SURF2: variants seen among roughly 807,000 people sequenced by gnomAD.
SURF2 encodes surfeit 2, also known as surfeit locus protein 2.
Under a neutral mutation model 26.2 loss-of-function variants are expected in SURF2, and 32 were observed. That is an observed-to-expected ratio of 1.22 (90% CI 0.92 to 1.64). The LOEUF (loss-of-function observed/expected upper bound fraction) is 1.64, where lower values mean the gene tolerates loss of function less well. Ranked by LOEUF, SURF2 falls within the 40% of genes most tolerant of loss-of-function variation. The probability of loss-of-function intolerance (pLI) is 0.00; values close to 1 mark genes in which losing one functional copy is unlikely to be tolerated. For synonymous variants in SURF2, 173 were observed against 139.1 expected (o/e 1.24, Z -1.71); for missense variants, 415 against 341.6 (o/e 1.21, Z -1.69).
At chr9:133,358,487 T>C (rs1368100241) in intron 3 of SURF2, among the ~76,000 whole-genome samples, 1 of 152,074 alleles carries the variant, frequency 6.6e-6, no homozygotes, top group Non-Finnish European at 1.5e-5. Context: ...TAGGGAAGTA[T>C]CGGGCTTTTG....
Position 133,360,232 on chromosome 9 carries a change from A to C in SURF2, c.518-33A>C, listed in dbSNP as rs2130049044. ...AAGGTGGCAGCGAACTCAGCCTAAA[A>C]TAACTGTCAGCCAATCCCTGTGTTC... On this transcript the variant is annotated intron_variant, in intron 4 of 5. Transcript: ENST00000371964. 3 of 1,607,994 alleles carry C rather than the reference A, an allele frequency of 1.9e-6. No homozygotes were observed. In the East Asian group the frequency reaches 6.7e-5, roughly 36 times the overall value.
chr9:133,358,090 C>T (rs2130038336), intron 3 of SURF2, among the ~76,000 whole-genome samples: 9 of 151,854 alleles, frequency 5.9e-5, no homozygotes, highest in South Asian at 4.2e-4. Context: ...GGTGGGCTTG[C>T]GGAGACAGGA....
intron 1 of SURF2, 87 bp downstream of exon 1, chr9:133,356,757 C>T (rs1272632349): frequency 1.5e-6 from 2 of 1,340,146 alleles, no homozygotes; most frequent in Non-Finnish European, 2.0e-6. Context: ...GAGGAGAGGG[C>T]AGGGGAGAGG....
intron 2 of SURF2, 40 bp downstream of exon 2, chr9:133,357,108 T>G: frequency 1.3e-6 from 2 of 1,506,118 alleles, no homozygotes; most frequent in Non-Finnish European, 8.9e-7. Context: ...CCAGGGCAAT[T>G]AGGACAGCCC....
chr9:133,360,147 T>A lies in SURF2; in HGVS notation c.517+18T>A. The A allele has an allele frequency of 1.3e-6, 2 of 1,592,454 alleles. No individual in the cohort carries two copies. Among genetic ancestry groups the A allele is most frequent in the Non-Finnish European group, 1.7e-6 (2 of 1,167,146 alleles). On this transcript the variant is annotated intron_variant, in intron 4 of 5. Transcript: ENST00000371964. ...GTACCCACGTAAGCAGAACAGGCCC[T>A]GCTTCTCCCTGACCCTCTACTGTCA...
At position 133,359,999 on chromosome 9, in the gene SURF2, G is replaced by T; in HGVS notation, c.387G>T (p.Val129=). 1.2e-6 allele frequency: 2 copies of T among 1,614,022 alleles called. No individual in the cohort carries two copies. Among genetic ancestry groups the T allele is most frequent in the Non-Finnish European group, 1.7e-6 (2 of 1,179,910 alleles). ...QGVEYVPACL[V]HRRRRREDQM... is the part of the protein sequence containing the mutation. ...TGGAGTACGTGCCTGCCTGCCTGGTGCACCGGAGGAGGAGGAGGGAGGACC... is the reference window on the plus strand; with the variant it reads ...TGGAGTACGTGCCTGCCTGCCTGGTTCACCGGAGGAGGAGGAGGGAGGACC... Residue 129 remains valine (V), a synonymous_variant, in exon 4 of 6, where the codon GTG becomes GTT. Transcript: ENST00000371964.
rs2130031575 is a variant in SURF2, at chr9:133,356,962, C to G, written c.127C>G (p.Leu43Val). 7.6e-6 allele frequency: 12 copies of G among 1,569,648 alleles called. No individual in the cohort carries two copies. Among genetic ancestry groups the G allele is most frequent in the Non-Finnish European group, 1.0e-5 (12 of 1,157,908 alleles). Residue 43 changes from leucine to valine, a missense_variant, in exon 2 of 6, where the codon CTC becomes GTC. Coordinates refer to ENST00000371964, the MANE Select transcript of SURF2 (RefSeq NM_017503.5). ...CGAGCTGCCCTGCCGCCTGCCGGAG[C>G]TCCAGGTCTACACCCGCGGCAAAAA... The part of the protein sequence containing the change: ...GHELPCRLPE[L>V]QVYTRGKKYQ...
In SURF2 at chr9:133,356,951, G is replaced by A. The variant is rs2130031455; in HGVS notation, c.116G>A (p.Arg39His). Residue 39 changes from arginine (R) to histidine (H), a missense_variant, in exon 2 of 6, where the codon CGC (arginine) becomes CAC (histidine). By Grantham distance (29) the Arg-to-His change is conservative (BLOSUM62 0). Transcript: ENST00000371964. ...CILTGHELPC[R>H]LPELQVYTRG... ...CTGACAGGTCACGAGCTGCCCTGCCGCCTGCCGGAGCTCCAGGTCTACACC... is the reference window on the plus strand; with the variant it reads ...CTGACAGGTCACGAGCTGCCCTGCCACCTGCCGGAGCTCCAGGTCTACACC... 6.4e-7 allele frequency: 1 copy of A among 1,566,962 alleles called. No individual in the cohort carries two copies. Among genetic ancestry groups the A allele is most frequent in the East Asian group, 2.4e-5 (1 of 42,208 alleles).
chr9:133,356,771 GAGGGGAGAGCAGGAGAGAGGGGAGGGC>G (rs2130030224), intron 1 of SURF2, 101 bp downstream of exon 1: 21 of 1,392,484 alleles, frequency 1.5e-5, no homozygotes, highest in African/African-American at 1.5e-4. Flanking sequence ...GGAGAGGGGA[GAGGGGAGAGCAGGAGAGAGGGGAGGGC>G]AGGGGAGAGG....
Position 133,356,606 on chromosome 9 carries a change from C to G in SURF2, c.14C>G (p.Pro5Arg). The G allele has an allele frequency of 6.6e-7, 1 of 1,524,892 alleles. No homozygotes were observed. Among genetic ancestry groups the G allele is most frequent in the Non-Finnish European group, 8.7e-7 (1 of 1,143,172 alleles). 94.5% of individuals were successfully genotyped at this position (1,524,892 alleles called of 1,614,324 possible). ...GGCGCGTCGGCCATGAGCGAGTTGC[C>G]GGGCGACGTGCGGGCGTTTCTGCGG... is the stretch of plus-strand genomic sequence containing the variant. MSEL[P>R]GDVRAFLREH... Residue 5 changes from proline to arginine, a missense_variant, in exon 1 of 6, where the codon CCG becomes CGG. Physicochemically the swap from Pro to Arg is moderately radical, Grantham distance 103. Coordinates refer to ENST00000371964, the MANE Select transcript of SURF2 (RefSeq NM_017503.5).
At chr9:133,357,932 C>A in intron 3 of SURF2, 118 bp downstream of exon 3, 1 of 976,920 alleles carries the variant, frequency 1.0e-6, no homozygotes, top group Non-Finnish European at 1.5e-6. Flanking sequence ...ATGCATCAGG[C>A]CTGTTTTTTG....
rs2130046402 is a variant in SURF2 at position 133,360,023 on chromosome 9, C to T, written c.411C>T (p.Asp137=). The T allele has an allele frequency of 6.2e-7, 1 of 1,614,026 alleles. No individual in the cohort carries two copies. The highest frequency in any genetic ancestry group is 1.7e-5 in the Admixed American group (1 of 60,000). Residue 137 remains aspartate (D), a synonymous_variant, in exon 4 of 6, where the codon GAC becomes GAT. Coordinates refer to ENST00000371964, the MANE Select transcript of SURF2 (RefSeq NM_017503.5). ...CLVHRRRRRE[D]QMDGDGPRPR... ...TGCACCGGAGGAGGAGGAGGGAGGA[C>T]CAGATGGACGGTGACGGGCCTCGCC... is the stretch of plus-strand genomic sequence containing the variant.
chr9:133,360,515 AACCTTTTTCACAAGTG>A, intron 5 of SURF2, 81 bp downstream of exon 5: 1 of 1,415,900 alleles, frequency 7.1e-7, no homozygotes, highest in South Asian at 1.5e-5. Flanking sequence ...AAGAAAACTG[AACCTTTTTCACAAGTG>A]AAATCCCAAG....
At chr9:133,359,222 C>T (rs781271222) in intron 3 of SURF2, among the ~76,000 whole-genome samples, 1 of 152,308 alleles carries the variant, frequency 6.6e-6, no homozygotes, top group Non-Finnish European at 1.5e-5. Flanking sequence ...GCTCTGCCTT[C>T]ACGTTCTGGT....
In SURF2 at chr9:133,359,998, T is replaced by C. The variant is rs2130045971; in HGVS notation, c.386T>C (p.Val129Ala). 71 of 1,613,684 alleles carry C rather than the reference T, an allele frequency of 4.4e-5. No homozygotes were observed. Among genetic ancestry groups the C allele is most frequent in the Middle Eastern group, 3.3e-4 (2 of 6,080 alleles). Residue 129 changes from valine to alanine, a missense_variant, in exon 4 of 6, where the codon GTG (valine) becomes GCG (alanine). Transcript: ENST00000371964. ...GTGGAGTACGTGCCTGCCTGCCTGG[T>C]GCACCGGAGGAGGAGGAGGGAGGAC... is the stretch of plus-strand genomic sequence containing the variant. Reference protein sequence around the residue: ...QGVEYVPACLVHRRRRREDQM... With the variant: ...QGVEYVPACLAHRRRRREDQM...
rs2130050712 is a variant in SURF2 at position 133,360,369 on chromosome 9, A to G, written c.622A>G (p.Lys208Glu). The change falls in exon 5 of 6, where the codon AAG becomes GAG. Residue 208 changes from lysine to glutamate, a missense_variant. Coordinates refer to ENST00000371964, the MANE Select transcript of SURF2 (RefSeq NM_017503.5). ...TGAGAAGGCAAAGCCCCCAAGAGAG[A>G]AGGCCACTGATGAGGGCAGGAGAGA... The part of the protein sequence containing the change: ...EDEKAKPPRE[K>E]ATDEGRRETT... 32 of 1,613,946 alleles carry G rather than the reference A, an allele frequency of 2.0e-5. No homozygotes were observed. The highest frequency in any genetic ancestry group is 1.8e-4 in the East Asian group (8 of 44,868).
intron 4 of SURF2, 36 bp downstream of exon 4, chr9:133,360,165 T>C (rs2130048416): frequency 5.0e-6 from 8 of 1,591,024 alleles, no homozygotes; most frequent in African/African-American, 1.3e-5. Flanking sequence ...CCTGACCCTC[T>C]ACTGTCAGCA....
intron 3 of SURF2, among the ~76,000 whole-genome samples, chr9:133,358,066 G>T (rs1320407548): frequency 6.6e-6 from 1 of 152,182 alleles, no homozygotes; most frequent in Non-Finnish European, 1.5e-5. Flanking sequence ...AAAGAAACTG[G>T]GCGAGGGATG....
chr9:133,357,776 A>G lies in SURF2; in HGVS notation c.299A>G (p.His100Arg). 6.2e-7 allele frequency: 1 copy of G among 1,613,756 alleles called. No individual in the cohort carries two copies. The highest frequency in any genetic ancestry group is 8.5e-7 in the Non-Finnish European group (1 of 1,180,030). The stretch of plus-strand genomic sequence containing the variant: ...AAGTGCCCAGAACACGTGCTGAGGC[A>G]CACCCAGGGCCGGCGGTACCAGCGA... ...INKCPEHVLRHTQGRRYQRAL... is the reference protein window; with the variant it reads ...INKCPEHVLRRTQGRRYQRAL... Residue 100 changes from histidine (H) to arginine (R), a missense_variant, in exon 3 of 6, where the codon CAC becomes CGC. Transcript: ENST00000371964.
Sources: gnomAD v4.1 joint callset for allele counts (sites outside exome capture counted in the v4.1 genomes callset) on GRCh38, gnomAD v4.1.1 for gene constraint, MANE v1.5 for transcripts, NCBI Gene and HGNC (gene_info 2026-07-23, HGNC 2026-07-21) for gene names.